TPST1: variants seen among roughly 807,000 people sequenced by gnomAD.
TPST1 encodes protein-tyrosine sulfotransferase 1.
A neutral mutation model predicts 34.8 loss-of-function variants in TPST1; 20 were observed. That is an observed-to-expected ratio of 0.57 (90% CI 0.40 to 0.84). The LOEUF is 0.84. Ranked by LOEUF, TPST1 falls within the 40% of genes least tolerant of loss-of-function variation. The pLI, the probability that TPST1 is intolerant of heterozygous loss-of-function variation, is 0.00. For synonymous variants in TPST1, 152 were observed against 159.4 expected, an observed-to-expected ratio of 0.95 and a Z score of 0.35; for missense variants, 353 against 455.5, an observed-to-expected ratio of 0.78 and a Z score of 2.05.
At chr7:66,202,722 C>T (rs766749911), upstream of TPST1, among the ~76,000 whole-genome samples, 2 of 152,118 alleles carry the variant, frequency 1.3e-5, no homozygotes, top group Admixed American at 6.6e-5. Flanking sequence ...GTTAGAGGAT[C>T]GCTTGAGGTC....
intron 2 of TPST1, among the ~76,000 whole-genome samples, chr7:66,243,141 C>A (rs1193130693): frequency 6.6e-6 from 1 of 151,028 alleles, no homozygotes; most frequent in Non-Finnish European, 1.5e-5. Context: ...TGCTGGATGA[C>A]AAGGGGTGTG....
intron 2 of TPST1, among the ~76,000 whole-genome samples, chr7:66,250,217 C>T (rs1273293222): frequency 6.6e-6 from 1 of 152,164 alleles, no homozygotes; most frequent in Non-Finnish European, 1.5e-5. Context: ...CTTTCACACT[C>T]ACCCATAGGT....
At chr7:66,312,809 G>T (rs13240647) in intron 3 of TPST1, among the ~76,000 whole-genome samples, 1 of 152,108 alleles carries the variant, frequency 6.6e-6, no homozygotes, top group South Asian at 2.1e-4. Flanking sequence ...GATGAAGATT[G>T]ATAGATGAGA....
chr7:66,309,413 G>T lies in TPST1; in HGVS notation c.1044+22704G>T, dbSNP rs557782867. On this transcript the variant is annotated intron_variant, in intron 3 of 5. Coordinates refer to ENST00000304842, the MANE Select transcript of TPST1 (RefSeq NM_003596.4). ...CAAGTCCAACGTTACATTCCTTCTT[G>T]TCTGGTCTAACATTCTTAGGATTCA... Among the ~76,000 whole-genome samples, 5 of 152,240 alleles carry T rather than the reference G, an allele frequency of 3.3e-5. No homozygotes were observed. The East Asian group carries it at 9.6e-4, about 29-fold the overall frequency.
intron 3 of TPST1, among the ~76,000 whole-genome samples, chr7:66,313,922 T>A (rs1017388106): frequency 1.3e-5 from 2 of 152,172 alleles, no homozygotes; most frequent in African/African-American, 4.8e-5. Context: ...TTATATTGTT[T>A]TAGTTTTCTT....
At chr7:66,305,449 A>G (rs940886189) in intron 3 of TPST1, among the ~76,000 whole-genome samples, 1 of 152,214 alleles carries the variant, frequency 6.6e-6, no homozygotes, top group Non-Finnish European at 1.5e-5. Context: ...TTAACTTTCC[A>G]TAATAAACAA....
At chr7:66,344,601 T>TG (rs1454873294) in intron 3 of TPST1, among the ~76,000 whole-genome samples, 1 of 150,920 alleles carries the variant, frequency 6.6e-6, no homozygotes, top group African/African-American at 2.4e-5. Context: ...TTAGTGGAGA[T>TG]GGGGTTTCAC....
At chr7:66,359,637 G>T (rs1166815933) in intron 5 of TPST1, among the ~76,000 whole-genome samples, 1 of 152,210 alleles carries the variant, frequency 6.6e-6, no homozygotes, top group Non-Finnish European at 1.5e-5. Context: ...AGCAGCCCTG[G>T]TTTTGGCCAT....
chr7:66,311,162 C>T (rs1791525509), intron 3 of TPST1, among the ~76,000 whole-genome samples: 1 of 151,424 alleles, frequency 6.6e-6, no homozygotes, highest in African/African-American at 2.4e-5. Context: ...CAGGGTTTCA[C>T]TCTTCGCTCT....
chr7:66,359,709 T>G (rs1225589844), intron 5 of TPST1, among the ~76,000 whole-genome samples, 186 bp from the exon 6 acceptor site: 1 of 152,184 alleles, frequency 6.6e-6, no homozygotes, highest in Non-Finnish European at 1.5e-5. Flanking sequence ...TGAGGGTGTG[T>G]GTGCCTCCCA....
chr7:66,205,620 C>T lies in TPST1; in HGVS notation c.-102+98C>T, dbSNP rs1366641237. On this transcript the variant is annotated intron_variant, in intron 1 of 5. Coordinates refer to ENST00000304842, the MANE Select transcript of TPST1 (RefSeq NM_003596.4). The surrounding 1 kb of genome is among the most constrained non-coding windows in gnomAD (Gnocchi z 5.0). Reference sequence around the variant, plus strand: ...CTGGCATCCCTTGGCCCCTTGTCGCCTTCTGCTCGGTGCCTCCCGGTTGTC... The same window carrying T: ...CTGGCATCCCTTGGCCCCTTGTCGCTTTCTGCTCGGTGCCTCCCGGTTGTC... 6.5e-6 allele frequency: 1 copy of T among 152,866 alleles called. No homozygotes were observed. Among genetic ancestry groups the T allele is most frequent in the Non-Finnish European group, 1.5e-5 (1 of 68,624 alleles). The allele number at this position is 152,866 out of a possible 1,614,324, so 9.5% of individuals were successfully genotyped here.
rs558944929 is a variant in TPST1, at chr7:66,222,189, C to G, written c.-102+16667C>G. Among the ~76,000 whole-genome samples, 6 of 152,216 alleles carry G rather than the reference C, an allele frequency of 3.9e-5. No homozygotes were observed. In the East Asian group the frequency reaches 1.2e-3, roughly 29 times the overall value. On this transcript the variant is annotated intron_variant, in intron 1 of 5. Transcript: ENST00000304842. ...ACAAGGTCAGGAGATTGAGACCATC[C>G]TGGCTAACACGGTGAAACCCTGTTA...
intron 3 of TPST1, among the ~76,000 whole-genome samples, chr7:66,299,380 G>T (rs1280644631): frequency 6.7e-6 from 1 of 149,566 alleles, no homozygotes; most frequent in Non-Finnish European, 1.5e-5. Flanking sequence ...AGAGTTCTAG[G>T]CTATTGGTCG....
At chr7:66,340,057 G>A (rs1792204313) in intron 3 of TPST1, among the ~76,000 whole-genome samples, 1 of 151,972 alleles carries the variant, frequency 6.6e-6, no homozygotes, top group Admixed American at 6.6e-5. Context: ...ATACTTCGGT[G>A]AGGTGTAGTG....
rs56696715 is a variant in TPST1 at position 66,310,803 on chromosome 7, GTATT to G, written c.1044+24126_1044+24129del. On this transcript the variant is annotated intron_variant, in intron 3 of 5. Transcript: ENST00000304842. ...TATTTCTTGTGCCTAAATTTGAAGA[GTATT>G]TATTTATTTATTTATTTATTTATTT... Among the ~76,000 whole-genome samples the G allele has an allele frequency of 5.5e-3, 803 of 147,148 alleles. 3 individuals are homozygous for G. The highest frequency in any genetic ancestry group is 9.2e-3 in the African/African-American group (368 of 39,862).
intron 4 of TPST1, among the ~76,000 whole-genome samples, chr7:66,354,093 G>A (rs1443682945): frequency 6.6e-6 from 1 of 152,164 alleles, no homozygotes; most frequent in Non-Finnish European, 1.5e-5. Context: ...TGAGGAATTA[G>A]AGTAAGTCCT....
chr7:66,273,521 A>C (rs1790744057), intron 2 of TPST1, among the ~76,000 whole-genome samples: 1 of 152,232 alleles, frequency 6.6e-6, no homozygotes, highest in South Asian at 2.1e-4. Flanking sequence ...TTTGACTTCA[A>C]AATATACTGT....
chr7:66,314,206 C>T (rs368677829), intron 3 of TPST1, among the ~76,000 whole-genome samples: 2 of 152,152 alleles, frequency 1.3e-5, no homozygotes, highest in African/African-American at 4.8e-5. Context: ...TCGGTGTCTC[C>T]ACTCTATGGT....
chr7:66,284,756 C>T (rs946661112), intron 2 of TPST1, among the ~76,000 whole-genome samples: 11 of 152,024 alleles, frequency 7.2e-5, no homozygotes, highest in Non-Finnish European at 1.5e-4. Context: ...GGGATTTCGC[C>T]ATGTTGGCCA....
Sources: gnomAD v4.1 joint callset for allele counts (sites outside exome capture counted in the v4.1 genomes callset) on GRCh38, gnomAD v4.1.1 for gene constraint, Gnocchi (gnomAD v3.1) non-coding constraint, MANE v1.5 for transcripts, NCBI Gene and HGNC (gene_info 2026-07-23, HGNC 2026-07-21) for gene names.